UBE2D3: variants seen among roughly 807,000 people sequenced by gnomAD.
UBE2D3 encodes the protein ubiquitin conjugating enzyme E2 D3, also known as ubiquitin-conjugating enzyme E2 D3.
UBE2D3 carries 2 observed loss-of-function variants against 22.8 expected under a neutral mutation model. The ratio of observed to expected loss-of-function variants is 0.09; its 90% CI spans 0.04 to 0.28. The LOEUF is 0.28. Ranked by LOEUF, UBE2D3 falls within the 10% of genes least tolerant of loss-of-function variation. The probability of loss-of-function intolerance (pLI) is 1.00; values close to 1 mark genes in which losing one functional copy is unlikely to be tolerated. For missense variants in UBE2D3, 27 were observed against 182.5 expected, an observed-to-expected ratio of 0.15 and a Z score of 4.91; for synonymous variants, 56 against 60.4, an observed-to-expected ratio of 0.93 and a Z score of 0.34.
chr4:102,833,783 A>T (rs1452126001), intron 1 of UBE2D3, among the ~76,000 whole-genome samples: 1 of 152,238 alleles, frequency 6.6e-6, no homozygotes, highest in Non-Finnish European at 1.5e-5. Context: ...AATTTCTTAT[A>T]GAAAAGTAGT....
At chr4:102,827,064 G>A (rs1000435573) in intron 1 of UBE2D3, 23 of 990,118 alleles carry the variant, frequency 2.3e-5, no homozygotes, top group South Asian at 8.9e-5. Flanking sequence ...CCGGGAAAAG[G>A]AAGGAAATAA....
intron 1 of UBE2D3, among the ~76,000 whole-genome samples, chr4:102,851,887 T>C (rs1732376280): frequency 6.6e-6 from 1 of 151,956 alleles, no homozygotes; most frequent in African/African-American, 2.4e-5. Context: ...CAGGCTGGTC[T>C]CGAACTCCTG....
chr4:102,853,218 C>T (rs223354), intron 1 of UBE2D3, among the ~76,000 whole-genome samples: 51,588 of 142,276 alleles, frequency 0.36, 9,354 homozygotes, highest in Middle Eastern at 0.44. Context: ...TCTCGGCTCA[C>T]TGCAAGCTCC....
In UBE2D3 at chr4:102,801,572, CTT is replaced by C. The variant is rs1220146449; in HGVS notation, c.199-15_199-14del. ...TTGTAAATGCAACCTAAAACAAAAA[CTT>C]TTAAGTATTTTATTCAAATAAAAAC... On this transcript the variant is annotated splice_polypyrimidine_tract_variant and intron_variant, in intron 5 of 7. Transcript: ENST00000453744. The C allele has an allele frequency of 6.4e-7, 1 of 1,565,748 alleles. No individual in the cohort carries two copies. The highest frequency in any genetic ancestry group is 1.8e-5 in the Admixed American group (1 of 55,048).
In UBE2D3 at chr4:102,826,482, T is replaced by A; in HGVS notation, c.24+3A>T. ...ACCCCATGCCCTTGTCCCCGCGGGT[T>A]ACCTTATTAATCCGTTTCAGCGCCA... On this transcript the variant is annotated splice_donor_region_variant and intron_variant, in intron 2 of 7. Coordinates refer to ENST00000453744, the MANE Select transcript of UBE2D3 (RefSeq NM_181891.3). 1 of 1,613,828 alleles carries A rather than the reference T, an allele frequency of 6.2e-7. No individual in the cohort carries two copies. The highest frequency in any genetic ancestry group is 8.5e-7 in the Non-Finnish European group (1 of 1,179,992).
At chr4:102,838,279 G>A (rs927089976) in intron 1 of UBE2D3, among the ~76,000 whole-genome samples, 1 of 152,150 alleles carries the variant, frequency 6.6e-6, no homozygotes, top group Non-Finnish European at 1.5e-5. Flanking sequence ...GTGTTTTTGT[G>A]GTTATGTCTA....
intron 2 of UBE2D3, among the ~76,000 whole-genome samples, chr4:102,814,815 A>G (rs1728567625): frequency 6.6e-6 from 1 of 152,086 alleles, no homozygotes; most frequent in African/African-American, 2.4e-5. Context: ...TGGGCCACAT[A>G]ATATAGCCAC....
intron 2 of UBE2D3, chr4:102,825,256 T>C: frequency 4.1e-6 from 4 of 986,266 alleles, no homozygotes; most frequent in Non-Finnish European, 4.8e-6. Flanking sequence ...CCACAATTTT[T>C]CTAGTAAGGC....
chr4:102,821,689 G>C (rs1729643804), intron 2 of UBE2D3, among the ~76,000 whole-genome samples: 1 of 151,896 alleles, frequency 6.6e-6, no homozygotes, highest in South Asian at 2.1e-4. Flanking sequence ...AAGGATAAAT[G>C]CTCGAGGTAT....
At chr4:102,809,882 T>TCA in intron 2 of UBE2D3, 27 bp from the exon 3 acceptor site, 1 of 1,603,368 alleles carries the variant, frequency 6.2e-7, no homozygotes, top group Non-Finnish European at 8.5e-7. Flanking sequence ...AATGGGTGAG[T>TCA]CACATAAGCT....
At chr4:102,827,898 G>A (rs559738770), upstream of UBE2D3, 10 of 985,630 alleles carry the variant, frequency 1.0e-5, no homozygotes, top group Admixed American at 1.2e-4. Flanking sequence ...GCCGCTGCGC[G>A]ATCCAGCCCC....
intron 2 of UBE2D3, chr4:102,819,472 G>A (rs1278648471): frequency 2.7e-6 from 2 of 739,882 alleles, no homozygotes; most frequent in Non-Finnish European, 3.3e-6. Flanking sequence ...ATAAGTATCT[G>A]AACATTCGGT....
upstream of UBE2D3, chr4:102,827,699 CG>C: frequency 1.0e-6 from 1 of 978,412 alleles, no homozygotes; most frequent in Non-Finnish European, 1.2e-6. Flanking sequence ...CGAGTGAATA[CG>C]TGTCAAGCCC....
At chr4:102,828,724 A>G (rs369837020), upstream of UBE2D3, among the ~76,000 whole-genome samples, 4 of 152,232 alleles carry the variant, frequency 2.6e-5, no homozygotes, top group Admixed American at 6.5e-5. Flanking sequence ...AAACAATACA[A>G]TACTTCCTGA....
intron 1 of UBE2D3, among the ~76,000 whole-genome samples, chr4:102,846,638 C>CT (rs1732053795): frequency 6.6e-6 from 1 of 151,866 alleles, no homozygotes; most frequent in African/African-American, 2.4e-5. Context: ...AGGGTAAATT[C>CT]TTTATTTTAT....
rs1255548470 is a variant in UBE2D3, at chr4:102,794,905, TACAAAG to T, written c.*2504_*2509del. 2.0e-5 allele frequency: 3 copies of T among 152,030 alleles called. No homozygotes were observed. Among genetic ancestry groups the T allele is most frequent in the Non-Finnish European group, 4.4e-5 (3 of 67,926 alleles). 9.4% of individuals were successfully genotyped at this position (152,030 alleles called of 1,614,324 possible). A position where few individuals can be genotyped will look rare whatever the true frequency, so the allele number is the denominator to read the frequency against. On this transcript the variant is annotated 3_prime_UTR_variant, in exon 8 of 8. Transcript: ENST00000453744. ...TTTATGCATTAAAAGATTTAGGAAA[TACAAAG>T]ACATAGTCAAAACTGATTCTAATAC...
At chr4:102,820,939 C>T (rs1729504839) in intron 2 of UBE2D3, among the ~76,000 whole-genome samples, 1 of 152,122 alleles carries the variant, frequency 6.6e-6, no homozygotes, top group Non-Finnish European at 1.5e-5. Flanking sequence ...TTGAAGGTCT[C>T]TTTTACAATA....
At position 102,827,521 on chromosome 4, in the gene UBE2D3, A is replaced by C. The variant is rs1730774482; in HGVS notation, c.-223T>G. ...GCCCTACGGGGCTCACGCGCACGAC[A>C]CAGCCACAAGATGTCCGCTCTGACG... is the stretch of plus-strand genomic sequence containing the variant. On this transcript the variant is annotated 5_prime_UTR_variant, in exon 1 of 8. Transcript: ENST00000453744. The C allele has an allele frequency of 1.0e-6, 1 of 985,944 alleles. No individual in the cohort carries two copies. The highest frequency in any genetic ancestry group is 1.1e-4 in the East Asian group (1 of 8,786). 61.1% of individuals were successfully genotyped at this position (985,944 alleles called of 1,614,324 possible).
rs565626020 is a variant in UBE2D3 at position 102,794,814 on chromosome 4, G to A, written c.*2601C>T. On this transcript the variant is annotated 3_prime_UTR_variant, in exon 8 of 8. Coordinates refer to ENST00000453744, the MANE Select transcript of UBE2D3 (RefSeq NM_181891.3). ...ATTATCACATTGCAAACTCGCCCAG[G>A]AAAAACAAACTGAGTCATTTAAAAT... The A allele has an allele frequency of 6.6e-6, 1 of 151,878 alleles. No homozygotes were observed. The highest frequency in any genetic ancestry group is 6.6e-5 in the Admixed American group (1 of 15,224). 9.4% of individuals were successfully genotyped at this position (151,878 alleles called of 1,614,324 possible). A position where few individuals can be genotyped will look rare whatever the true frequency, so the allele number is the denominator to read the frequency against.
Sources: gnomAD v4.1 joint callset for allele counts (sites outside exome capture counted in the v4.1 genomes callset) on GRCh38, gnomAD v4.1.1 for gene constraint, MANE v1.5 for transcripts, NCBI Gene and HGNC (gene_info 2026-07-23, HGNC 2026-07-21) for gene names.